Variants in AP1S3 observed in about 807,000 individuals in gnomAD.
AP1S3 encodes adaptor related protein complex 1 subunit sigma 3.
AP1S3 carries 10 observed loss-of-function variants against 20.9 expected under a neutral mutation model. That is an observed-to-expected ratio of 0.48 (90% CI 0.29 to 0.81). The LOEUF (loss-of-function observed/expected upper bound fraction) is 0.81. Among genes scored for constraint, AP1S3 ranks in the 30% least tolerant of loss-of-function variants. AP1S3 has a pLI of 0.08. For missense variants in AP1S3, 154 were observed against 183.8 expected, an observed-to-expected ratio of 0.84 and a Z score of 0.94; for synonymous variants, 41 against 61.5, an observed-to-expected ratio of 0.67 and a Z score of 1.56.
intron 1 of AP1S3, among the ~76,000 whole-genome samples, chr2:223,801,809 T>C (rs1274322683): frequency 6.6e-6 from 1 of 151,896 alleles, no homozygotes; most frequent in Non-Finnish European, 1.5e-5. Flanking sequence ...GTGACCACCA[T>C]AAAAACAAGC....
At chr2:223,809,559 G>C (rs1440416318) in intron 1 of AP1S3, among the ~76,000 whole-genome samples, 1 of 151,510 alleles carries the variant, frequency 6.6e-6, no homozygotes, top group African/African-American at 2.4e-5. Context: ...GCAGAGAATT[G>C]CTTGAACCCG....
intron 3 of AP1S3, among the ~76,000 whole-genome samples, chr2:223,769,067 T>A (rs1690548225): frequency 6.6e-6 from 1 of 152,140 alleles, no homozygotes; most frequent in Non-Finnish European, 1.5e-5. Context: ...TCCAAATGAA[T>A]CCAACTTCCA....
intron 3 of AP1S3, among the ~76,000 whole-genome samples, chr2:223,765,963 A>G (rs905127824): frequency 3.9e-5 from 6 of 152,154 alleles, no homozygotes; most frequent in African/African-American, 1.4e-4. Context: ...GGACTGCGGG[A>G]TTTCACATCC....
chr2:223,794,471 C>A (rs1691289004), intron 1 of AP1S3, among the ~76,000 whole-genome samples: 2 of 152,148 alleles, frequency 1.3e-5, no homozygotes, highest in Admixed American at 1.3e-4. Flanking sequence ...CAGAAACTTA[C>A]AACTTGTGTT....
At chr2:223,772,540 T>C (rs1690657393) in intron 3 of AP1S3, among the ~76,000 whole-genome samples, 1 of 152,222 alleles carries the variant, frequency 6.6e-6, no homozygotes, top group South Asian at 2.1e-4. Flanking sequence ...TTATCTGGCA[T>C]GAGACTTTGA....
In AP1S3 at chr2:223,758,197, G is replaced by A. The variant is rs1690269753; in HGVS notation, c.*518C>T. 1.0e-6 allele frequency: 1 copy of A among 979,676 alleles called. No homozygotes were observed. Among genetic ancestry groups the A allele is most frequent in the Non-Finnish European group, 1.2e-6 (1 of 824,486 alleles). The allele number at this position is 979,676 out of a possible 1,614,324, so 60.7% of individuals were successfully genotyped here. On this transcript the variant is annotated 3_prime_UTR_variant, in exon 5 of 5. Coordinates refer to ENST00000396654, the MANE Select transcript of AP1S3 (RefSeq NM_001039569.2). Reference sequence around the variant, plus strand: ...AAATCAGACATTTTGTATGTGAATTGCAGTTACAGTACTATTAAGTGTATG... The same window carrying A: ...AAATCAGACATTTTGTATGTGAATTACAGTTACAGTACTATTAAGTGTATG...
chr2:223,761,319 AT>A (rs1268147400), intron 4 of AP1S3, among the ~76,000 whole-genome samples: 3 of 152,168 alleles, frequency 2.0e-5, no homozygotes, highest in Non-Finnish European at 4.4e-5. Context: ...AGCTGTTAAC[AT>A]GGTTTACGCT....
At chr2:223,811,024 T>C (rs1300842540) in intron 1 of AP1S3, among the ~76,000 whole-genome samples, 1 of 152,126 alleles carries the variant, frequency 6.6e-6, no homozygotes, top group Non-Finnish European at 1.5e-5. Context: ...CAATAGCTTT[T>C]GAATTACAAG....
intron 1 of AP1S3, among the ~76,000 whole-genome samples, chr2:223,784,916 A>G (rs1314632347): frequency 6.6e-6 from 1 of 152,244 alleles, no homozygotes; most frequent in Non-Finnish European, 1.5e-5. Context: ...TTGAGGCATT[A>G]GATGTTTACT....
Position 223,758,055 on chromosome 2 carries a change from T to G in AP1S3, c.*660A>C. 3 of 982,302 alleles carry G rather than the reference T, an allele frequency of 3.1e-6. No individual in the cohort carries two copies. Among genetic ancestry groups the G allele is most frequent in the Non-Finnish European group, 3.6e-6 (3 of 827,022 alleles). 60.8% of individuals were successfully genotyped at this position (982,302 alleles called of 1,614,324 possible). The stretch of plus-strand genomic sequence containing the variant: ...CCTTATATTCAATTAAAAGATAAAT[T>G]AAAACCTCAGTCAAGATAGCAGCTT... On this transcript the variant is annotated 3_prime_UTR_variant, in exon 5 of 5. Transcript: ENST00000396654.
rs1003516632 is a variant in AP1S3, at chr2:223,755,522, T to C, written c.*3193A>G. On this transcript the variant is annotated 3_prime_UTR_variant, in exon 5 of 5. Transcript: ENST00000396654. ...ACTGTGCCATATAGATATGTTTACT[T>C]ACTTTCATTTTTTTTTTTTTTTTTT... Among the ~76,000 whole-genome samples the C allele has an allele frequency of 5.9e-5, 8 of 135,484 alleles. No homozygotes were observed. The Middle Eastern group carries it at 0.011, about 187-fold the overall frequency. The allele number at this position is 135,484 out of a possible 152,430, so 88.9% of individuals were successfully genotyped here.
chr2:223,807,111 CA>C (rs1461521807), intron 1 of AP1S3, among the ~76,000 whole-genome samples: 3 of 151,942 alleles, frequency 2.0e-5, no homozygotes, highest in Non-Finnish European at 4.4e-5. Context: ...ATTAAAAATA[CA>C]AAAATTTAGA....
chr2:223,794,628 C>T (rs917796663), intron 1 of AP1S3, among the ~76,000 whole-genome samples: 1 of 152,236 alleles, frequency 6.6e-6, no homozygotes, highest in Admixed American at 6.5e-5. Flanking sequence ...CTTCTTTCTG[C>T]TAGATCAATT....
chr2:223,759,847 C>T (rs1358660969), intron 4 of AP1S3, among the ~76,000 whole-genome samples: 1 of 152,124 alleles, frequency 6.6e-6, no homozygotes, highest in Non-Finnish European at 1.5e-5. Flanking sequence ...TTAGCTCCCA[C>T]TTTTAAGTGA....
chr2:223,821,087 G>A (rs1157814964), intron 1 of AP1S3, among the ~76,000 whole-genome samples: 2 of 152,156 alleles, frequency 1.3e-5, no homozygotes, highest in Admixed American at 6.5e-5. Flanking sequence ...GCTGCTCTAG[G>A]TATGGATGCC....
chr2:223,785,609 T>C (rs1691053796), intron 1 of AP1S3, among the ~76,000 whole-genome samples: 1 of 152,226 alleles, frequency 6.6e-6, no homozygotes, highest in African/African-American at 2.4e-5. Flanking sequence ...ACATTCTATC[T>C]GAAGGTCTAA....
In AP1S3 at chr2:223,758,537, T is replaced by C. The variant is rs1046322769; in HGVS notation, c.*178A>G. ...ACAGACACATAATTTTTTTTAATAA[T>C]ACAGACACATAGTAATTATAAATAT... On this transcript the variant is annotated 3_prime_UTR_variant, in exon 5 of 5. Coordinates refer to ENST00000396654, the MANE Select transcript of AP1S3 (RefSeq NM_001039569.2). 1 of 1,317,462 alleles carries C rather than the reference T, an allele frequency of 7.6e-7. No individual in the cohort carries two copies. Among genetic ancestry groups the C allele is most frequent in the Non-Finnish European group, 9.7e-7 (1 of 1,034,352 alleles). The allele number at this position is 1,317,462 out of a possible 1,614,324, so 81.6% of individuals were successfully genotyped here.
intron 1 of AP1S3, among the ~76,000 whole-genome samples, chr2:223,831,610 A>G (rs955822309): frequency 1.3e-5 from 2 of 152,218 alleles, no homozygotes; most frequent in African/African-American, 4.8e-5. Flanking sequence ...CAGAGAAAGT[A>G]TCGGGGAAAA....
At chr2:223,833,932 G>T (rs1692338667) in intron 1 of AP1S3, among the ~76,000 whole-genome samples, 1 of 144,280 alleles carries the variant, frequency 6.9e-6, no homozygotes, top group African/African-American at 2.6e-5. Context: ...ATTTGAGATG[G>T]AGTTTTGTTC....
Sources: gnomAD v4.1 joint callset for allele counts (sites outside exome capture counted in the v4.1 genomes callset) on GRCh38, gnomAD v4.1.1 for gene constraint, MANE v1.5 for transcripts, NCBI Gene and HGNC (gene_info 2026-07-23, HGNC 2026-07-21) for gene names.